The following GM2A variants were observed in gnomAD, a reference collection of about 807,000 sequenced individuals.
The protein encoded by GM2A is ganglioside GM2 activator.
A neutral mutation model predicts 12.9 loss-of-function variants in GM2A; 7 were observed. That is an observed-to-expected ratio of 0.54 (90% CI 0.31 to 1.02). GM2A has a LOEUF of 1.02. GM2A is among the 50% of genes least tolerant of loss of function. The pLI is 0.05. For missense variants in GM2A, 246 were observed against 241.0 expected, an observed-to-expected ratio of 1.02 and a Z score of -0.14; for synonymous variants, 101 against 96.0, an observed-to-expected ratio of 1.05 and a Z score of -0.30.
chr5:151,260,452 T>C (rs1285770359), intron 2 of GM2A, among the ~76,000 whole-genome samples: 1 of 152,124 alleles, frequency 6.6e-6, no homozygotes, highest in African/African-American at 2.4e-5. Flanking sequence ...ACCCCATCTC[T>C]ACTAAAAGTA....
Position 151,267,992 on chromosome 5 carries a change from A to G in GM2A, c.*541A>G. On this transcript the variant is annotated 3_prime_UTR_variant, in exon 4 of 4. Transcript: ENST00000357164. ...ATTTGCCCAATTAATACTAGGGTGC[A>G]GTGTATCCTGGAGAGGTAGGGTGTG... 1 of 1,109,694 alleles carries G rather than the reference A, an allele frequency of 9.0e-7. No individual in the cohort carries two copies. The highest frequency in any genetic ancestry group is 1.1e-6 in the Non-Finnish European group (1 of 904,116). The allele number at this position is 1,109,694 out of a possible 1,614,324, so 68.7% of individuals were successfully genotyped here.
At position 151,259,837 on chromosome 5, in the gene GM2A, C is replaced by T. The variant is rs730882196; in HGVS notation, c.164C>T (p.Pro55Leu). The T allele has an allele frequency of 2.5e-6, 4 of 1,612,892 alleles. No homozygotes were observed. The highest frequency in any genetic ancestry group is 1.3e-5 in the African/African-American group (1 of 75,002). ...GTGATCAGAAGCCTGACTCTGGAGC[C>T]TGACCCCATCATCGTTCCTGGAAAT... ...PAVIRSLTLE[P>L]DPIIVPGNVT... Residue 55 changes from proline to leucine, a missense_variant, in exon 2 of 4, where the codon CCT becomes CTT. By Grantham distance (98) the Pro-to-Leu change is moderately conservative. Coordinates refer to ENST00000357164, the MANE Select transcript of GM2A (RefSeq NM_000405.5).
Position 151,267,603 on chromosome 5 carries a change from A to C in GM2A, c.*152A>C, listed in dbSNP as rs1163705339. The C allele has an allele frequency of 3.9e-6, 6 of 1,531,686 alleles. No individual in the cohort carries two copies. The highest frequency in any genetic ancestry group is 5.2e-6 in the Non-Finnish European group (6 of 1,142,866). The allele number at this position is 1,531,686 out of a possible 1,614,324, so 94.9% of individuals were successfully genotyped here. A position where few individuals can be genotyped will look rare whatever the true frequency, so the allele number is the denominator to read the frequency against. On this transcript the variant is annotated 3_prime_UTR_variant, in exon 4 of 4. Coordinates refer to ENST00000357164, the MANE Select transcript of GM2A (RefSeq NM_000405.5). Reference sequence around the variant, plus strand: ...CCCTCACTGAAAATCATTTTGTACCACTTACATTTTAGGCTGGGGCAAGCA... The same window carrying C: ...CCCTCACTGAAAATCATTTTGTACCCCTTACATTTTAGGCTGGGGCAAGCA...
chr5:151,264,814 TA>T (rs1753854928), intron 2 of GM2A, among the ~76,000 whole-genome samples: 1 of 152,110 alleles, frequency 6.6e-6, no homozygotes. Flanking sequence ...ACCCCATCTC[TA>T]CTAAAAATAC....
chr5:151,259,550 T>A (rs1753753269), intron 1 of GM2A, among the ~76,000 whole-genome samples: 1 of 152,158 alleles, frequency 6.6e-6, no homozygotes, highest in Non-Finnish European at 1.5e-5. Context: ...GTCTTTTGAG[T>A]CTTTTAGTTT....
At chr5:151,254,498 C>T (rs1003748522) in intron 1 of GM2A, among the ~76,000 whole-genome samples, 1 of 152,186 alleles carries the variant, frequency 6.6e-6, no homozygotes, top group Non-Finnish European at 1.5e-5. Flanking sequence ...CAGGTGTGGG[C>T]CACCAAGTTC....
rs553449209 is a variant in GM2A, at chr5:151,253,186, C to T, written c.-31C>T. On this transcript the variant is annotated 5_prime_UTR_variant, in exon 1 of 4. Transcript: ENST00000357164. ...GGCACCTCTGCCGCCACAGACCTTGCAGTTAACTCCGCCCTGACCCACCCT... is the reference window on the plus strand; with the variant it reads ...GGCACCTCTGCCGCCACAGACCTTGTAGTTAACTCCGCCCTGACCCACCCT... 6.5e-7 allele frequency: 1 copy of T among 1,540,132 alleles called. No homozygotes were observed.
At chr5:151,267,235 C>G (rs1753904557) in intron 3 of GM2A, 61 bp from the exon 4 acceptor site, 3 of 1,611,346 alleles carry the variant, frequency 1.9e-6, no homozygotes, top group Non-Finnish European at 2.5e-6. Context: ...AGCAGTGGCT[C>G]TAGGAGAAAG....
At chr5:151,262,704 A>G (rs6579845) in intron 2 of GM2A, among the ~76,000 whole-genome samples, 41,265 of 152,046 alleles carry the variant, frequency 0.27, 5,831 homozygotes, top group Admixed American at 0.4. Flanking sequence ...TTCCCTATGT[A>G]TGGACACTGG....
chr5:151,256,346 T>G (rs1582068409), intron 1 of GM2A, among the ~76,000 whole-genome samples: 1 of 152,236 alleles, frequency 6.6e-6, no homozygotes, highest in South Asian at 2.1e-4. Flanking sequence ...ACCCCTATAA[T>G]CCAGCACTGT....
At chr5:151,267,189 A>G in intron 3 of GM2A, 107 bp from the exon 4 acceptor site, 1 of 1,421,956 alleles carries the variant, frequency 7.0e-7, no homozygotes, top group Non-Finnish European at 9.8e-7. Flanking sequence ...TGTTTTGAGA[A>G]TGGGAAGAGG....
chr5:151,259,822 G>T lies in GM2A; in HGVS notation c.149G>T (p.Ser50Ile). The T allele has an allele frequency of 6.2e-7, 1 of 1,613,572 alleles. No individual in the cohort carries two copies. The highest frequency in any genetic ancestry group is 2.2e-5 in the East Asian group (1 of 44,884). Reference sequence around the variant, plus strand: ...GGGAAGGACCCTGCGGTGATCAGAAGCCTGACTCTGGAGCCTGACCCCATC... The same window carrying T: ...GGGAAGGACCCTGCGGTGATCAGAATCCTGACTCTGGAGCCTGACCCCATC... Reference protein sequence around the residue: ...DEGKDPAVIRSLTLEPDPIIV... With the variant: ...DEGKDPAVIRILTLEPDPIIV... Residue 50 changes from serine (S) to isoleucine (I), a missense_variant, in exon 2 of 4, where the codon AGC becomes ATC. Coordinates refer to ENST00000357164, the MANE Select transcript of GM2A (RefSeq NM_000405.5).
Position 151,269,126 on chromosome 5 carries a change from T to C in GM2A, c.*1675T>C. 1 of 985,472 alleles carries C rather than the reference T, an allele frequency of 1.0e-6. No individual in the cohort carries two copies. Among genetic ancestry groups the C allele is most frequent in the Non-Finnish European group, 1.2e-6 (1 of 829,940 alleles). The allele number at this position is 985,472 out of a possible 1,614,324, so 61.0% of individuals were successfully genotyped here. A position where few individuals can be genotyped will look rare whatever the true frequency, so the allele number is the denominator to read the frequency against. ...AGAGAGGGTGGCCTCGACATCAAAC[T>C]GCCTGGATTTTTCTACCACCCTGTT... On this transcript the variant is annotated 3_prime_UTR_variant, in exon 4 of 4. Transcript: ENST00000357164.
intron 2 of GM2A, among the ~76,000 whole-genome samples, chr5:151,263,095 T>G (rs954158565): frequency 6.7e-6 from 1 of 149,126 alleles, no homozygotes; most frequent in Admixed American, 6.7e-5. Context: ...ATTTCTTTTT[T>G]TTTTTTTTTT....
chr5:151,267,708 CG>C lies in GM2A; in HGVS notation c.*258del. On this transcript the variant is annotated 3_prime_UTR_variant, in exon 4 of 4. Coordinates refer to ENST00000357164, the MANE Select transcript of GM2A (RefSeq NM_000405.5). ...CTGGGCTGACCACGTTACTCATCCC[CG>C]TTAACATTCTCTCTAAAGAGCCTCG... is the stretch of plus-strand genomic sequence containing the variant. 1 of 1,400,156 alleles carries C rather than the reference CG, an allele frequency of 7.1e-7. No homozygotes were observed. Among genetic ancestry groups the C allele is most frequent in the Non-Finnish European group, 9.4e-7 (1 of 1,064,004 alleles). The allele number at this position is 1,400,156 out of a possible 1,614,324, so 86.7% of individuals were successfully genotyped here. A position where few individuals can be genotyped will look rare whatever the true frequency, so the allele number is the denominator to read the frequency against.
intron 2 of GM2A, among the ~76,000 whole-genome samples, chr5:151,265,333 G>A (rs534502808): frequency 1.1e-4 from 16 of 152,316 alleles, no homozygotes; most frequent in East Asian, 3.9e-4. Context: ...ACTTGAGTCC[G>A]TGGCCTGGGA....
intron 2 of GM2A, among the ~76,000 whole-genome samples, chr5:151,262,417 C>T (rs1225636165): frequency 6.6e-6 from 1 of 152,240 alleles, no homozygotes; most frequent in Non-Finnish European, 1.5e-5. Context: ...TTGAGCAATA[C>T]CTGAGTTAGA....
chr5:151,260,910 A>G (rs140846482), intron 2 of GM2A, among the ~76,000 whole-genome samples: 12 of 152,310 alleles, frequency 7.9e-5, no homozygotes, highest in African/African-American at 2.4e-4. Flanking sequence ...ATTATATGAT[A>G]TGTGCTATTA....
intron 2 of GM2A, among the ~76,000 whole-genome samples, chr5:151,262,369 AC>A (rs1178167393): frequency 6.6e-6 from 1 of 152,128 alleles, no homozygotes; most frequent in African/African-American, 2.4e-5. Flanking sequence ...TTATCCTTAG[AC>A]CTGTCTTAAT....
Sources: gnomAD v4.1 joint callset for allele counts (sites outside exome capture counted in the v4.1 genomes callset) on GRCh38, gnomAD v4.1.1 for gene constraint, MANE v1.5 for transcripts, NCBI Gene and HGNC (gene_info 2026-07-23, HGNC 2026-07-21) for gene names.